The following LRRK1 variants were observed in gnomAD, a reference collection of about 807,000 sequenced individuals.
The protein encoded by LRRK1 is leucine rich repeat kinase 1.
In LRRK1, 113 loss-of-function variants were observed where a neutral mutation model predicts 209.1. That is an observed-to-expected ratio of 0.54 (90% confidence interval 0.46 to 0.63). The LOEUF is 0.63. Ranked by LOEUF, LRRK1 falls within the 30% of genes least tolerant of loss-of-function variation. LRRK1 has a pLI of 0.00. For synonymous variants in LRRK1, 1,144 were observed against 1,099.7 expected, an observed-to-expected ratio of 1.04 and a Z score of -0.80; for missense variants, 2,284 against 2,632.2, an observed-to-expected ratio of 0.87 and a Z score of 2.89.
chr15:101,054,309 G>T (rs1017715792), intron 26 of LRRK1, among the ~76,000 whole-genome samples: 2 of 152,160 alleles, frequency 1.3e-5, no homozygotes, highest in African/African-American at 4.8e-5. Flanking sequence ...ACCCCTTTAC[G>T]TAGGACAGCC....
In LRRK1 at chr15:100,988,624, C is replaced by T. The variant is rs2031997774; in HGVS notation, c.434-10C>T. The T allele has an allele frequency of 1.9e-6, 3 of 1,614,004 alleles. No homozygotes were observed. Among genetic ancestry groups the T allele is most frequent in the Non-Finnish European group, 2.5e-6 (3 of 1,179,994 alleles). ...TGGCACTTTCCCTTTGTCCTGCCAT[C>T]TCCTGCCAGGTCCCTGCAGTCCCCA... is the stretch of plus-strand genomic sequence containing the variant. On this transcript the variant is annotated splice_polypyrimidine_tract_variant and intron_variant, in intron 4 of 33. Transcript: ENST00000388948.
intron 28 of LRRK1, among the ~76,000 whole-genome samples, 174 bp from the exon 29 acceptor site, chr15:101,057,816 T>G (rs1469435502): frequency 1.3e-5 from 2 of 152,226 alleles, no homozygotes; most frequent in African/African-American, 4.8e-5. Context: ...CCCAGATACC[T>G]GGATGGGTTT....
chr15:101,068,643 G>A (rs2036664314), intron 33 of LRRK1, 28 bp from the exon 34 acceptor site: 1 of 1,540,904 alleles, frequency 6.5e-7, no homozygotes. Flanking sequence ...ACCCCTGTGA[G>A]TTTCCTCAGA....
chr15:100,990,488 T>C (rs1313705310), intron 6 of LRRK1, among the ~76,000 whole-genome samples: 1 of 152,104 alleles, frequency 6.6e-6, no homozygotes, highest in Non-Finnish European at 1.5e-5. Flanking sequence ...GGATTCTCTG[T>C]CTCCACCCCT....
Position 101,058,233 on chromosome 15 carries a change from G to C in LRRK1, c.4679+92G>C, listed in dbSNP as rs1033798771. ...ACACAGTCGATGTTGACCACAGTGAGAATTATTTAGCAGACGGTAGGGTCC... is the reference window on the plus strand; with the variant it reads ...ACACAGTCGATGTTGACCACAGTGACAATTATTTAGCAGACGGTAGGGTCC... On this transcript the variant is annotated intron_variant, in intron 29 of 33. Coordinates refer to ENST00000388948, the MANE Select transcript of LRRK1 (RefSeq NM_024652.6). The C allele has an allele frequency of 3.8e-6, 5 of 1,326,302 alleles. No individual in the cohort carries two copies. In the African/African-American group the frequency reaches 7.3e-5, roughly 19 times the overall value. The allele number at this position is 1,326,302 out of a possible 1,614,324, so 82.2% of individuals were successfully genotyped here.
At chr15:100,925,718 G>A (rs778058856) in intron 2 of LRRK1, among the ~76,000 whole-genome samples, 12 of 152,164 alleles carry the variant, frequency 7.9e-5, no homozygotes, top group Non-Finnish European at 1.0e-4. Context: ...AGAACTTTAC[G>A]AAATAATGTC....
At position 101,071,484 on chromosome 15, in the gene LRRK1, G is replaced by A. The variant is rs1180216245; in HGVS notation, c.*2636G>A. 2 of 152,316 alleles carry A rather than the reference G, an allele frequency of 1.3e-5. No homozygotes were observed. Among genetic ancestry groups the A allele is most frequent in the Non-Finnish European group, 2.9e-5 (2 of 68,136 alleles). The allele number at this position is 152,316 out of a possible 1,614,324, so 9.4% of individuals were successfully genotyped here. ...AGCTCACTGCCACCTCCGCCTCCCA[G>A]GTTCAAGCAATTCTCCTGCCTCAGC... is the stretch of plus-strand genomic sequence containing the variant. On this transcript the variant is annotated 3_prime_UTR_variant, in exon 34 of 34. Coordinates refer to ENST00000388948, the MANE Select transcript of LRRK1 (RefSeq NM_024652.6).
intron 19 of LRRK1, among the ~76,000 whole-genome samples, chr15:101,028,473 A>G (rs1296182265): frequency 6.6e-6 from 1 of 152,246 alleles, no homozygotes. Context: ...GAAAGCGTCA[A>G]CAAAAAGCAC....
At chr15:100,979,833 A>C (rs2031501309) in intron 3 of LRRK1, among the ~76,000 whole-genome samples, 1 of 152,246 alleles carries the variant, frequency 6.6e-6, no homozygotes, top group Non-Finnish European at 1.5e-5. Flanking sequence ...AAAGATGTTC[A>C]ACATCGTTAG....
At chr15:101,004,260 G>T (rs551098142) in intron 6 of LRRK1, among the ~76,000 whole-genome samples, 142 of 152,338 alleles carry the variant, frequency 9.3e-4, no homozygotes, top group Non-Finnish European at 1.7e-3. Context: ...AAGACATAAA[G>T]TTGGAAAAGT....
In LRRK1 at chr15:101,021,189, A is replaced by G; in HGVS notation, c.1739+7A>G. 6.2e-7 allele frequency: 1 copy of G among 1,614,098 alleles called. No individual in the cohort carries two copies. Among genetic ancestry groups the G allele is most frequent in the East Asian group, 2.2e-5 (1 of 44,876 alleles). On this transcript the variant is annotated splice_region_variant and intron_variant, in intron 13 of 33. Transcript: ENST00000388948. The stretch of plus-strand genomic sequence containing the variant: ...CAGAGCTCTACTTGGGAAAGTAAGT[A>G]CACATCTGGAGGGGCCGTGCTGGCT...
Position 101,021,767 on chromosome 15 carries a change from C to T in LRRK1, c.1740-78C>T, listed in dbSNP as rs1244290110. ...AGGCTGCAGAGGCTGACAGGAGCCA[C>T]GTGTGTGCGTGTGTGTGTGTGTGTG... On this transcript the variant is annotated intron_variant, in intron 13 of 33. Coordinates refer to ENST00000388948, the MANE Select transcript of LRRK1 (RefSeq NM_024652.6). 6 of 901,380 alleles carry T rather than the reference C, an allele frequency of 6.7e-6. No homozygotes were observed. In the African/African-American group the frequency reaches 7.5e-5, roughly 11 times the overall value. The allele number at this position is 901,380 out of a possible 1,614,324, so 55.8% of individuals were successfully genotyped here.
chr15:100,947,011 C>A (rs67024535), intron 2 of LRRK1, among the ~76,000 whole-genome samples: 21,792 of 151,912 alleles, frequency 0.14, 2,080 homozygotes, highest in East Asian at 0.44. Context: ...TGCTCTGTCA[C>A]CAGGCTGGAG....
rs560830600 is a variant in LRRK1 at position 101,005,355 on chromosome 15, T to G, written c.763-3482T>G. 2.0e-5 allele frequency among the ~76,000 whole-genome samples: 3 copies of G among 152,124 alleles called. No individual in the cohort carries two copies. In the South Asian group the frequency reaches 6.2e-4, roughly 32 times the overall value. ...AACAATATTGGGACGAGAACTGACCTAGGCATCATCTGATCCAAGCCACTT... is the reference window on the plus strand; with the variant it reads ...AACAATATTGGGACGAGAACTGACCGAGGCATCATCTGATCCAAGCCACTT... On this transcript the variant is annotated intron_variant, in intron 6 of 33. Coordinates refer to ENST00000388948, the MANE Select transcript of LRRK1 (RefSeq NM_024652.6).
rs2042815598 is a variant in LRRK1 at position 100,958,791 on chromosome 15, G to A, written c.98-15013G>A. Among the ~76,000 whole-genome samples the A allele has an allele frequency of 2.0e-5, 3 of 152,180 alleles. No individual in the cohort carries two copies. The South Asian group carries it at 6.2e-4, about 32-fold the overall frequency. On this transcript the variant is annotated intron_variant, in intron 2 of 33. Coordinates refer to ENST00000388948, the MANE Select transcript of LRRK1 (RefSeq NM_024652.6). The stretch of plus-strand genomic sequence containing the variant: ...CATCCGAAGTGGAGAGGACGGAAAT[G>A]TGCAGGGCCTGGAGGTGGGCCCAGG...
At chr15:100,969,287 A>C (rs919186254) in intron 2 of LRRK1, among the ~76,000 whole-genome samples, 1 of 152,102 alleles carries the variant, frequency 6.6e-6, no homozygotes, top group Non-Finnish European at 1.5e-5. Flanking sequence ...GGGTCTTTTG[A>C]GGGGCAGAAG....
intron 2 of LRRK1, among the ~76,000 whole-genome samples, chr15:100,961,533 A>G (rs1163792024): frequency 2.0e-5 from 3 of 151,958 alleles, no homozygotes; most frequent in African/African-American, 7.3e-5. Context: ...CGTGCCTGTA[A>G]TCCCAGCTAC....
chr15:101,056,212 A>AAATT (rs1467422892), intron 27 of LRRK1, among the ~76,000 whole-genome samples: 2 of 152,168 alleles, frequency 1.3e-5, no homozygotes, highest in African/African-American at 4.8e-5. Context: ...TTGATTATGA[A>AAATT]AATTAGAGGA....
At chr15:100,938,387 T>C (rs1350496490) in intron 2 of LRRK1, among the ~76,000 whole-genome samples, 1 of 152,180 alleles carries the variant, frequency 6.6e-6, no homozygotes, top group Non-Finnish European at 1.5e-5. Flanking sequence ...CAAATAAGGA[T>C]AATTAGCATA....
Sources: allele counts gnomAD v4.1 joint callset (sites outside exome capture counted in the v4.1 genomes callset), GRCh38; gene constraint gnomAD v4.1.1; transcripts MANE v1.5; gene names NCBI Gene and HGNC (gene_info 2026-07-23, HGNC 2026-07-21).